Variants in U2SURP observed in about 807,000 individuals in gnomAD.
U2SURP encodes the protein U2 snRNP-associated SURP motif-containing protein.
A neutral mutation model predicts 144.9 loss-of-function variants in U2SURP; 9 were observed. The ratio of observed to expected loss-of-function variants is 0.06; its 90% CI spans 0.04 to 0.11. The LOEUF (loss-of-function observed/expected upper bound fraction) is 0.11. Among genes scored for constraint, U2SURP ranks in the 10% least tolerant of loss-of-function variants. The pLI is 1.00. For missense variants in U2SURP, 724 were observed against 1,226.7 expected, an observed-to-expected ratio of 0.59 and a Z score of 6.12; for synonymous variants, 408 against 396.8, an observed-to-expected ratio of 1.03 and a Z score of -0.33.
intron 1 of U2SURP, among the ~76,000 whole-genome samples, chr3:143,010,514 T>C (rs1936069300): frequency 6.6e-6 from 1 of 152,180 alleles, no homozygotes; most frequent in African/African-American, 2.4e-5. Flanking sequence ...TGCATAAAAC[T>C]GTGTAAAAAT....
At chr3:143,020,080 G>C (rs1578127552) in intron 7 of U2SURP, 44 bp downstream of exon 7, 1 of 1,232,244 alleles carries the variant, frequency 8.1e-7, no homozygotes, top group Non-Finnish European at 1.1e-6. Context: ...GGTGTATTGA[G>C]CTGATACATA....
intron 24 of U2SURP, among the ~76,000 whole-genome samples, chr3:143,043,777 T>C (rs1324680381): frequency 6.6e-6 from 1 of 151,738 alleles, no homozygotes; most frequent in African/African-American, 2.4e-5. Flanking sequence ...AATCCATTTT[T>C]TTTTTTTTTG....
chr3:143,033,834 A>C (rs528082746), intron 18 of U2SURP, among the ~76,000 whole-genome samples: 12 of 152,292 alleles, frequency 7.9e-5, no homozygotes, highest in Admixed American at 7.8e-4. Flanking sequence ...ATTGGCTTAC[A>C]CTTAAGCTAA....
In U2SURP at chr3:143,001,601, C is replaced by T. The variant is rs111340020; in HGVS notation, c.-28C>T. The stretch of plus-strand genomic sequence containing the variant: ...GTGCTCGACTCGCCCGTGCTGCTGC[C>T]GCCGCCGAAGGAGGGGCAAAGCTCA... On this transcript the variant is annotated 5_prime_UTR_variant, in exon 1 of 28. Coordinates refer to ENST00000473835, the MANE Select transcript of U2SURP (RefSeq NM_001080415.2). 2.4e-5 allele frequency: 39 copies of T among 1,613,490 alleles called. No individual in the cohort carries two copies. Among genetic ancestry groups the T allele is most frequent in the Non-Finnish European group, 3.3e-5 (39 of 1,179,750 alleles).
chr3:143,039,464 A>G (rs1245545778), intron 23 of U2SURP, among the ~76,000 whole-genome samples: 1 of 151,852 alleles, frequency 6.6e-6, no homozygotes, highest in Non-Finnish European at 1.5e-5. Flanking sequence ...CTGTTTGGTA[A>G]TCACCCCAAA....
intron 1 of U2SURP, among the ~76,000 whole-genome samples, chr3:143,003,677 CTTTTTTTTTTTT>C (rs60505715): frequency 7.9e-5 from 8 of 101,506 alleles, no homozygotes; most frequent in African/African-American, 1.1e-4. Flanking sequence ...TATTTTATTT[CTTTTTTTTTTTT>C]TTTTTTTTTT....
intron 4 of U2SURP, among the ~76,000 whole-genome samples, chr3:143,014,991 A>G (rs959663334): frequency 6.6e-6 from 1 of 152,060 alleles, no homozygotes; most frequent in Non-Finnish European, 1.5e-5. Flanking sequence ...ATATATTCTT[A>G]TAAGTGAGAT....
chr3:143,029,413 A>G (rs902755908), intron 16 of U2SURP, among the ~76,000 whole-genome samples: 1 of 152,216 alleles, frequency 6.6e-6, no homozygotes, highest in African/African-American at 2.4e-5. Flanking sequence ...AATTCTCACA[A>G]TAGCTCAAAC....
intron 13 of U2SURP, among the ~76,000 whole-genome samples, chr3:143,025,133 T>G (rs1247542627): frequency 1.3e-5 from 2 of 152,146 alleles, no homozygotes; most frequent in Non-Finnish European, 2.9e-5. Flanking sequence ...TCATGAAACA[T>G]TTTAAAAATA....
chr3:143,036,505 C>T (rs1036468446), intron 20 of U2SURP, among the ~76,000 whole-genome samples: 7 of 151,712 alleles, frequency 4.6e-5, no homozygotes, highest in Admixed American at 3.3e-4. Flanking sequence ...TGTTTTTTTT[C>T]TTTTTTACCT....
At chr3:143,027,081 T>G in intron 13 of U2SURP, 68 bp from the exon 14 acceptor site, 1 of 1,192,024 alleles carries the variant, frequency 8.4e-7, no homozygotes, top group Admixed American at 1.8e-5. Flanking sequence ...TATAGTAACT[T>G]AGGTCAAGTG....
In U2SURP at chr3:143,033,230, C is replaced by T. The variant is rs1403279095; in HGVS notation, c.1774-41C>T. The T allele has an allele frequency of 2.5e-6, 3 of 1,206,162 alleles. No homozygotes were observed. In the Admixed American group the frequency reaches 6.1e-5, roughly 25 times the overall value. The allele number at this position is 1,206,162 out of a possible 1,614,324, so 74.7% of individuals were successfully genotyped here. Reference sequence around the variant, plus strand: ...TAATTAAATTATAGCTAAACATTAGCCTTATATTAACCTATTTTGTGTTAT... The same window carrying T: ...TAATTAAATTATAGCTAAACATTAGTCTTATATTAACCTATTTTGTGTTAT... On this transcript the variant is annotated intron_variant, in intron 17 of 27. Coordinates refer to ENST00000473835, the MANE Select transcript of U2SURP (RefSeq NM_001080415.2).
chr3:143,019,233 G>A (rs994392869), intron 6 of U2SURP, among the ~76,000 whole-genome samples: 3 of 152,096 alleles, frequency 2.0e-5, no homozygotes, highest in Admixed American at 6.5e-5. Context: ...TCTCTGGGTT[G>A]TCTTTGCATT....
chr3:143,025,112 A>AT (rs1933050047), intron 13 of U2SURP, among the ~76,000 whole-genome samples: 1 of 151,826 alleles, frequency 6.6e-6, no homozygotes, highest in Admixed American at 6.6e-5. Context: ...TCAGATTTTG[A>AT]TTTTAAATAA....
chr3:143,037,026 T>G, intron 20 of U2SURP, 153 bp from the exon 21 acceptor site: 1 of 720,056 alleles, frequency 1.4e-6, no homozygotes, highest in East Asian at 2.8e-5. Flanking sequence ...GACTGCTTCT[T>G]TAGCAAACTG....
intron 1 of U2SURP, among the ~76,000 whole-genome samples, chr3:143,006,054 A>G (rs1935812612): frequency 6.6e-6 from 1 of 152,218 alleles, no homozygotes; most frequent in Admixed American, 6.5e-5. Flanking sequence ...GGCTAACGGT[A>G]GTGTTAGACA....
rs761630383 is a variant in U2SURP at position 143,028,584 on chromosome 3, A to C, written c.1548A>C (p.Ser516=). The C allele has an allele frequency of 9.4e-6, 15 of 1,603,842 alleles. No homozygotes were observed. In the Middle Eastern group the frequency reaches 6.7e-4, roughly 71 times the overall value. Residue 516 remains serine (S), a synonymous_variant, in exon 16 of 28, where the codon TCA becomes TCC. Transcript: ENST00000473835. ...TAAATCCGTACTTGCATGGAATGTC[A>C]GAAGAGCAAGAAACAGAAGCTTTTG... The part of the protein sequence containing the change: ...PPLNPYLHGM[S]EEQETEAFVE...
At chr3:143,006,091 C>T (rs904498605) in intron 1 of U2SURP, among the ~76,000 whole-genome samples, 10 of 152,192 alleles carry the variant, frequency 6.6e-5, no homozygotes, top group Non-Finnish European at 1.5e-4. Flanking sequence ...AGTTTTTTCA[C>T]AAGGCCCTTC....
chr3:143,003,890 C>T (rs965227074), intron 1 of U2SURP, among the ~76,000 whole-genome samples: 3 of 152,008 alleles, frequency 2.0e-5, no homozygotes, highest in African/African-American at 7.2e-5. Context: ...CGGGGTTTCA[C>T]CATGTTGGCC....
Sources: gnomAD v4.1 joint callset for allele counts (sites outside exome capture counted in the v4.1 genomes callset) on GRCh38, gnomAD v4.1.1 for gene constraint, MANE v1.5 for transcripts, NCBI Gene and HGNC (gene_info 2026-07-23, HGNC 2026-07-21) for gene names.